Variants in FGF14 observed in about 807,000 individuals in gnomAD.
FGF14 encodes fibroblast growth factor 14, also known as fibroblast growth factor homologous factor 4.
Under a neutral mutation model 25.5 loss-of-function variants are expected in FGF14, and 5 were observed. The observed-to-expected ratio is 0.20, with a 90% CI of 0.10 to 0.41. The LOEUF (loss-of-function observed/expected upper bound fraction) is 0.41, where lower values mean the gene tolerates loss of function less well. FGF14 is among the 10% of genes least tolerant of loss of function. The pLI, the probability that FGF14 is intolerant of heterozygous loss-of-function variation, is 1.00. For missense variants in FGF14, 222 were observed against 320.1 expected (o/e 0.69, Z 2.34); for synonymous variants, 138 against 118.3 (o/e 1.17, Z -1.08).
chr13:102,164,224 A>T (rs1477568092), intron 1 of FGF14, among the ~76,000 whole-genome samples: 1 of 152,172 alleles, frequency 6.6e-6, no homozygotes, highest in Non-Finnish European at 1.5e-5. Flanking sequence ...AGATTTGGGG[A>T]TCTTTCTGTT....
At chr13:102,038,949 T>C (rs1353937599) in intron 1 of FGF14, among the ~76,000 whole-genome samples, 3 of 152,188 alleles carry the variant, frequency 2.0e-5, no homozygotes, top group Admixed American at 6.5e-5. Context: ...TTGCTGAGTA[T>C]GTACTGTACC....
chr13:101,826,495 T>C (rs552876745), intron 3 of FGF14, among the ~76,000 whole-genome samples: 1 of 152,100 alleles, frequency 6.6e-6, no homozygotes, highest in Non-Finnish European at 1.5e-5. Flanking sequence ...AGAGAATTCA[T>C]CACCTCAAAC....
intron 1 of FGF14, among the ~76,000 whole-genome samples, chr13:102,212,111 C>G (rs1014441748): frequency 6.6e-6 from 1 of 152,156 alleles, no homozygotes; most frequent in Admixed American, 6.5e-5. Flanking sequence ...ATTCCCCAAC[C>G]AGTTCCACAA....
At chr13:101,975,928 AG>A (rs1259982859) in intron 1 of FGF14, among the ~76,000 whole-genome samples, 2 of 152,210 alleles carry the variant, frequency 1.3e-5, no homozygotes, top group African/African-American at 4.8e-5. Context: ...AAGTCACAAG[AG>A]GGCCGTTGGG....
intron 1 of FGF14, among the ~76,000 whole-genome samples, chr13:102,175,390 C>G (rs1193337670): frequency 6.6e-6 from 1 of 151,982 alleles, no homozygotes; most frequent in Admixed American, 6.6e-5. Context: ...GCTAGCTATA[C>G]ATAGAAGAAC....
chr13:102,282,274 C>T (rs2053881865), intron 1 of FGF14, among the ~76,000 whole-genome samples: 1 of 152,102 alleles, frequency 6.6e-6, no homozygotes, highest in South Asian at 2.1e-4. Context: ...CCATGTTGGT[C>T]AGGCTGGTCT....
intron 4 of FGF14, among the ~76,000 whole-genome samples, chr13:101,725,400 G>A (rs999475490): frequency 2.6e-5 from 4 of 151,822 alleles, no homozygotes; most frequent in African/African-American, 9.7e-5. Context: ...GTCTTTTCCT[G>A]TATAGGCCCT....
At chr13:101,947,301 C>G (rs1372842018) in intron 1 of FGF14, among the ~76,000 whole-genome samples, 3 of 152,182 alleles carry the variant, frequency 2.0e-5, no homozygotes, top group African/African-American at 4.8e-5. Flanking sequence ...TAAAACAGAT[C>G]TACCATTTGA....
intron 1 of FGF14, among the ~76,000 whole-genome samples, chr13:101,935,350 T>G (rs2035029882): frequency 6.6e-6 from 1 of 152,190 alleles, no homozygotes. Context: ...AGCTAGGTGC[T>G]TCTTGGTCCT....
At chr13:101,872,183 T>C (rs1256158157) in intron 2 of FGF14, among the ~76,000 whole-genome samples, 2 of 151,910 alleles carry the variant, frequency 1.3e-5, no homozygotes, top group Admixed American at 1.3e-4. Context: ...GGGTGAGTTT[T>C]TGGTTTTTTT....
chr13:101,900,933 G>A (rs1020112748), intron 1 of FGF14, among the ~76,000 whole-genome samples: 1 of 152,034 alleles, frequency 6.6e-6, no homozygotes, highest in African/African-American at 2.4e-5. Flanking sequence ...TCAATATATA[G>A]GTTATTTAAT....
chr13:102,111,183 C>T (rs1405123835), intron 1 of FGF14, among the ~76,000 whole-genome samples: 1 of 152,170 alleles, frequency 6.6e-6, no homozygotes, highest in Non-Finnish European at 1.5e-5. Context: ...GCCATCACCA[C>T]CTCTCATCTA....
chr13:102,111,473 G>A (rs977321549), intron 1 of FGF14, among the ~76,000 whole-genome samples: 2 of 152,184 alleles, frequency 1.3e-5, no homozygotes, highest in Non-Finnish European at 2.9e-5. Flanking sequence ...CCAACACTTT[G>A]GGAGGCCAAG....
chr13:101,714,850 G>T lies in FGF14; in HGVS notation c.*7981C>A, dbSNP rs1323853186. The stretch of plus-strand genomic sequence containing the variant: ...GCAGTTGTATATTGAACACAGAAAA[G>T]AATTTTGTTGGCAACCATTTTACTT... On this transcript the variant is annotated 3_prime_UTR_variant, in exon 5 of 5. Coordinates refer to ENST00000376143, the MANE Select transcript of FGF14 (RefSeq NM_004115.4). 2 of 330,914 alleles carry T rather than the reference G, an allele frequency of 6.0e-6. No homozygotes were observed. The highest frequency in any genetic ancestry group is 2.1e-5 in the African/African-American group (1 of 47,250). 20.5% of individuals were successfully genotyped at this position (330,914 alleles called of 1,614,324 possible). A position where few individuals can be genotyped will look rare whatever the true frequency, so the allele number is the denominator to read the frequency against.
At chr13:102,328,020 G>A (rs2056517534) in intron 1 of FGF14, among the ~76,000 whole-genome samples, 1 of 148,142 alleles carries the variant, frequency 6.8e-6, no homozygotes, top group South Asian at 2.1e-4. Context: ...TGAATTAGCA[G>A]AAATTCTTCA....
chr13:101,860,658 C>T (rs918709499), intron 3 of FGF14, among the ~76,000 whole-genome samples: 1 of 151,942 alleles, frequency 6.6e-6, no homozygotes, highest in Non-Finnish European at 1.5e-5. Flanking sequence ...CTCACTGCAG[C>T]CTGGAACTCC....
At chr13:102,277,156 T>C (rs544214495) in intron 1 of FGF14, among the ~76,000 whole-genome samples, 1 of 152,362 alleles carries the variant, frequency 6.6e-6, no homozygotes, top group African/African-American at 2.4e-5. Flanking sequence ...ATGCCAGAGA[T>C]TGTGGTTGAC....
At position 101,999,410 on chromosome 13, in the gene FGF14, T is replaced by C. The variant is rs139855622; in HGVS notation, c.209-124114A>G. ...TCTGCTTTTCATAGTCTCTTTGTTCTATTCTCCTCTTAACACACAGATCTC... is the reference window on the plus strand; with the variant it reads ...TCTGCTTTTCATAGTCTCTTTGTTCCATTCTCCTCTTAACACACAGATCTC... On this transcript the variant is annotated intron_variant, in intron 1 of 4. Coordinates refer to the FGF14 transcript ENST00000376131. 7.5e-3 allele frequency among the ~76,000 whole-genome samples: 1,138 copies of C among 152,274 alleles called. 16 individuals are homozygous for C. The highest frequency in any genetic ancestry group is 0.026 in the African/African-American group (1,067 of 41,552).
chr13:102,391,499 T>A (rs935873437), intron 1 of FGF14, among the ~76,000 whole-genome samples: 4 of 152,226 alleles, frequency 2.6e-5, no homozygotes, highest in Non-Finnish European at 5.9e-5. Context: ...TTTTATCCTA[T>A]ATCAAATTTC....
Sources: gnomAD v4.1 joint callset for allele counts (sites outside exome capture counted in the v4.1 genomes callset) on GRCh38, gnomAD v4.1.1 for gene constraint, MANE v1.5 for transcripts, NCBI Gene and HGNC (gene_info 2026-07-23, HGNC 2026-07-21) for gene names.